SHOX: variants seen among roughly 807,000 people sequenced by gnomAD.
SHOX encodes the protein short stature homeobox protein.
Under a neutral mutation model 29.6 loss-of-function variants are expected in SHOX, and 12 were observed. The ratio of observed to expected loss-of-function variants is 0.41; its 90% CI spans 0.26 to 0.66. SHOX has a LOEUF of 0.66. Ranked by LOEUF, SHOX falls within the 30% of genes least tolerant of loss-of-function variation. SHOX has a pLI of 0.35. For synonymous variants in SHOX, 214 were observed against 200.6 expected (o/e 1.07, Z -0.57); for missense variants, 499 against 437.7 (o/e 1.14, Z -1.25).
Position 650,274 on chromosome X carries a change from C to A in SHOX, c.*5638C>A, listed in dbSNP as rs190526960. The stretch of plus-strand genomic sequence containing the variant: ...TGCGACGGGCTTGGTGTCTCCCGTA[C>A]GGGAAGGAGGCCTTTGGGCCGCTCC... On this transcript the variant is annotated 3_prime_UTR_variant, in exon 5 of 5. Coordinates refer to ENST00000686671, the MANE Select transcript of SHOX (RefSeq NM_000451.4). Among the ~76,000 whole-genome samples the A allele has an allele frequency of 5.9e-5, 9 of 152,292 alleles. No homozygotes were observed. The East Asian group carries it at 1.4e-3, about 23-fold the overall frequency.
intron 4 of SHOX, among the ~76,000 whole-genome samples, chrX:641,414 T>A (rs984603982): frequency 1.3e-5 from 2 of 151,496 alleles, no homozygotes; most frequent in African/African-American, 4.9e-5. Context: ...ACAAAATGGG[T>A]GTGGTGGCTC....
chrX:639,370 G>A (rs2052810092), intron 2 of SHOX, among the ~76,000 whole-genome samples: 1 of 152,140 alleles, frequency 6.6e-6, no homozygotes, highest in African/African-American at 2.4e-5. Context: ...GCTCCCCAGG[G>A]CTTCCGAGGA....
At chrX:631,863 G>A (rs182142323) in intron 1 of SHOX, 1 of 455,784 alleles carries the variant, frequency 2.2e-6, no homozygotes, top group Non-Finnish European at 4.4e-6. Context: ...GTGTGTTTCT[G>A]TCTCTGCCTG....
At chrX:625,715 GTCTC>G (rs753102414) in intron 1 of SHOX, among the ~76,000 whole-genome samples, 3 of 122,068 alleles carry the variant, frequency 2.5e-5, no homozygotes, top group African/African-American at 1.1e-4. Context: ...TTCTATCTCT[GTCTC>G]TCTCTCTCCT....
chrX:631,848 A>C (rs2124157136), intron 1 of SHOX: 1 of 454,646 alleles, frequency 2.2e-6, no homozygotes, highest in Non-Finnish European at 4.4e-6. Context: ...CTGACGGCTT[A>C]GGATGTGTGT....
At chrX:643,816 C>A (rs1169864629) in intron 4 of SHOX, among the ~76,000 whole-genome samples, 1 of 113,222 alleles carries the variant, frequency 8.8e-6, no homozygotes, top group Non-Finnish European at 1.8e-5. Flanking sequence ...CGGGAGAGAG[C>A]CTTGGGGACC....
At chrX:643,360 T>TTGGTGTCCCGGGAGAGGCTTGGACACC (rs1569495021) in intron 4 of SHOX, among the ~76,000 whole-genome samples, 6 of 72,470 alleles carry the variant, frequency 8.3e-5, no homozygotes, top group African/African-American at 3.2e-4. Flanking sequence ...GCTTGGGGAC[T>TTGGTGTCCCGGGAGAGGCTTGGACACC]TGGTGTCCCG....
intron 2 of SHOX, 78 bp from the exon 3 acceptor site, chrX:640,743 C>T: frequency 6.5e-7 from 1 of 1,546,494 alleles, no homozygotes. Flanking sequence ...TTGGTTCAGC[C>T]TCATGGGAAG....
rs2053026389 is a variant in SHOX at position 649,808 on chromosome X, CA to C, written c.*5175del. 1 of 427,720 alleles carries C rather than the reference CA, an allele frequency of 2.3e-6. No homozygotes were observed. Among genetic ancestry groups the C allele is most frequent in the Non-Finnish European group, 4.7e-6 (1 of 213,706 alleles). 26.5% of individuals were successfully genotyped at this position (427,720 alleles called of 1,614,324 possible). A position where few individuals can be genotyped will look rare whatever the true frequency, so the allele number is the denominator to read the frequency against. ...TTCCCTCCTCTCCCCAAAACTTGGC[CA>C]AATAGTCCGTGGAGGGTTGTCAGTC... On this transcript the variant is annotated 3_prime_UTR_variant, in exon 5 of 5. Coordinates refer to ENST00000686671, the MANE Select transcript of SHOX (RefSeq NM_000451.4).
rs1320778218 is a variant in SHOX, at chrX:650,242, C to T, written c.*5606C>T. On this transcript the variant is annotated 3_prime_UTR_variant, in exon 5 of 5. Transcript: ENST00000686671. ...AACACCCGTTTTTCCACTTACAAAG[C>T]TGGTGGTGCGACGGGCTTGGTGTCT... Among the ~76,000 whole-genome samples the T allele has an allele frequency of 5.9e-5, 9 of 152,182 alleles. No homozygotes were observed. Among genetic ancestry groups the T allele is most frequent in the Admixed American group, 4.6e-4 (7 of 15,276 alleles).
rs200663078 is a variant in SHOX at position 631,096 on chromosome X, C to T, written c.199C>T (p.Pro67Ser). ...QDITEGGGHC[P>S]VHLFKDHVDN... is the part of the protein sequence containing the mutation. ...CATCACGGAGGGCGGCGGCCACTGC[C>T]CGGTGCATTTGTTCAAGGACCACGT... Residue 67 changes from proline to serine, a missense_variant, in exon 1 of 5, where the codon CCG becomes TCG. Pro to Ser is a moderately conservative substitution (Grantham distance 74, BLOSUM62 -1). Transcript: ENST00000686671. 9.9e-6 allele frequency: 16 copies of T among 1,613,760 alleles called. No homozygotes were observed. The highest frequency in any genetic ancestry group is 8.9e-5 in the East Asian group (4 of 44,868).
At chrX:632,258 C>T (rs938234597) in intron 1 of SHOX, among the ~76,000 whole-genome samples, 1 of 152,010 alleles carries the variant, frequency 6.6e-6, no homozygotes, top group Non-Finnish European at 1.5e-5. Flanking sequence ...CCCTCTGGCC[C>T]TTCCTCCTGA....
At chrX:630,758 GC>G, upstream of SHOX, 42 of 1,091,696 alleles carry the variant, frequency 3.8e-5, no homozygotes, top group Non-Finnish European at 5.5e-5. Context: ...CGAGGTCGCC[GC>G]GTATAAATAG....
Position 650,803 on chromosome X carries a change from A to AAAC in SHOX, c.*6169_*6170insCAA, listed in dbSNP as rs1556473129. 6.8e-6 allele frequency among the ~76,000 whole-genome samples: 1 copy of AAAC among 146,472 alleles called. No homozygotes were observed. Among genetic ancestry groups the AAAC allele is most frequent in the African/African-American group, 2.5e-5 (1 of 40,626 alleles). ...GACACGTTTGACATTAAAAAAAAAA[A>AAAC]AAAAAAAAAAAAAAAACTGGTGCCT... On this transcript the variant is annotated 3_prime_UTR_variant, in exon 5 of 5. Coordinates refer to ENST00000686671, the MANE Select transcript of SHOX (RefSeq NM_000451.4).
In SHOX at chrX:636,963, TA is replaced by T. The variant is rs1198854971; in HGVS notation, c.486+2138del. 2.2e-4 allele frequency among the ~76,000 whole-genome samples: 31 copies of T among 143,200 alleles called. 1 individual carries two copies. Among genetic ancestry groups the T allele is most frequent in the African/African-American group, 7.6e-4 (29 of 37,934 alleles). 93.9% of individuals were successfully genotyped at this position (143,200 alleles called of 152,430 possible). On this transcript the variant is annotated intron_variant, in intron 2 of 4. Transcript: ENST00000686671. ...TCATTTAAAAATATATATATATATATATATATATTTTGGCTCCTGATTCTCT... is the reference window on the plus strand; with the variant it reads ...TCATTTAAAAATATATATATATATATTATATATTTTGGCTCCTGATTCTCT...
intron 5 of SHOX, among the ~76,000 whole-genome samples, chrX:658,567 T>C (rs1431276450): frequency 3.3e-5 from 5 of 150,226 alleles, no homozygotes; most frequent in African/African-American, 1.2e-4. Context: ...TCTTCCCGGG[T>C]TCACGCCATT....
intron 4 of SHOX, 63 bp from the exon 5 acceptor site, chrX:644,328 G>A: frequency 6.9e-7 from 1 of 1,457,306 alleles, no homozygotes. Context: ...CCGGGGGCGC[G>A]GGGCGGAGCA....
rs1464162820 is a variant in SHOX, at chrX:644,482, C to G, written c.725C>G (p.Pro242Arg). 3 of 1,523,960 alleles carry G rather than the reference C, an allele frequency of 2.0e-6. No homozygotes were observed. Among genetic ancestry groups the G allele is most frequent in the South Asian group, 2.4e-5 (2 of 82,462 alleles). The allele number at this position is 1,523,960 out of a possible 1,614,324, so 94.4% of individuals were successfully genotyped here. A position where few individuals can be genotyped will look rare whatever the true frequency, so the allele number is the denominator to read the frequency against. ...LAAHAPYLMF[P>R]PPPFGLPIAS... is the part of the protein sequence containing the mutation. ...GCGCACGCGCCCTACCTGATGTTCC[C>G]CCCGCCGCCCTTCGGGCTGCCCATC... Residue 242 changes from proline to arginine, a missense_variant, in exon 5 of 5, where the codon CCC (proline) becomes CGC (arginine). Transcript: ENST00000686671.
rs1044353882 is a variant in SHOX, at chrX:650,213, G to A, written c.*5577G>A. The stretch of plus-strand genomic sequence containing the variant: ...TACGATTTAGAGCGTAACTGACCGC[G>A]TCCAACACCCGTTTTTCCACTTACA... On this transcript the variant is annotated 3_prime_UTR_variant, in exon 5 of 5. Coordinates refer to ENST00000686671, the MANE Select transcript of SHOX (RefSeq NM_000451.4). Among the ~76,000 whole-genome samples, 2 of 152,270 alleles carry A rather than the reference G, an allele frequency of 1.3e-5. No homozygotes were observed. The highest frequency in any genetic ancestry group is 1.9e-4 in the East Asian group (1 of 5,158).
Sources: gnomAD v4.1 joint callset for allele counts (sites outside exome capture counted in the v4.1 genomes callset) on GRCh38, gnomAD v4.1.1 for gene constraint, MANE v1.5 for transcripts, NCBI Gene and HGNC (gene_info 2026-07-23, HGNC 2026-07-21) for gene names.